The following GALNT13 variants were observed in gnomAD, a reference collection of about 807,000 sequenced individuals.
GALNT13 encodes polypeptide N-acetylgalactosaminyltransferase 13, also known as UDP-GalNAc:polypeptide N-acetylgalactosaminyltransferase 13.
GALNT13 carries 28 observed loss-of-function variants against 64.2 expected under a neutral mutation model. That is an observed-to-expected ratio of 0.44 (90% CI 0.32 to 0.60). GALNT13 has a LOEUF of 0.60. Among genes scored for constraint, GALNT13 ranks in the 20% least tolerant of loss-of-function variants. The pLI is 0.05. For missense variants in GALNT13, 577 were observed against 669.8 expected (o/e 0.86, Z 1.53); for synonymous variants, 214 against 224.6 (o/e 0.95, Z 0.42).
At chr2:154,380,243 C>T (rs1335115833) in intron 9 of GALNT13, among the ~76,000 whole-genome samples, 1 of 151,890 alleles carries the variant, frequency 6.6e-6, no homozygotes, top group African/African-American at 2.4e-5. Flanking sequence ...AGGAGTAAAG[C>T]AACTTATAAA....
chr2:154,242,726 C>G lies in GALNT13; in HGVS notation c.507C>G (p.Tyr169Ter). ...RDFLKLTLEN[Y>*]VKNLEVPVKI... ...TTCTCAAGTTGACATTAGAGAATTA[C>G]GTGAAAAATTTAGAAGTGCCAGTAA... The change falls in exon 6 of 13, where the codon TAC (tyrosine) becomes TAG (stop). Residue 169 changes from tyrosine (Y) to a stop codon, truncating the protein, a stop_gained. Transcript: ENST00000392825. LOFTEE classifies it high-confidence loss of function. 6.2e-7 allele frequency: 1 copy of G among 1,611,880 alleles called. No homozygotes were observed. The highest frequency in any genetic ancestry group is 8.5e-7 in the Non-Finnish European group (1 of 1,178,004).
chr2:153,149,164 G>A, the GALNT13 span, among the ~76,000 whole-genome samples: 1 of 151,766 alleles, frequency 6.6e-6, no homozygotes, highest in Admixed American at 6.6e-5. Context: ...ATTAAATTTG[G>A]TCCAGATAAT....
At chr2:153,786,436 T>G in the GALNT13 span, among the ~76,000 whole-genome samples, 3 of 152,072 alleles carry the variant, frequency 2.0e-5, no homozygotes, top group African/African-American at 7.2e-5. Flanking sequence ...TCACTTCTAG[T>G]GGCCCAGAGT....
At chr2:153,635,844 GT>G in the GALNT13 span, among the ~76,000 whole-genome samples, 7 of 151,070 alleles carry the variant, frequency 4.6e-5, no homozygotes, top group African/African-American at 1.5e-4. Flanking sequence ...CTAGTATCAT[GT>G]TTTTTTTTGT....
At chr2:153,408,937 A>G in the GALNT13 span, among the ~76,000 whole-genome samples, 1 of 152,154 alleles carries the variant, frequency 6.6e-6, no homozygotes, top group South Asian at 2.1e-4. Flanking sequence ...CAGTGCAGCT[A>G]GAAACAGCAG....
the GALNT13 span, among the ~76,000 whole-genome samples, chr2:153,252,051 C>T: frequency 1.3e-5 from 2 of 150,978 alleles, no homozygotes; most frequent in Non-Finnish European, 2.9e-5. Flanking sequence ...ACTACACTTA[C>T]TTCCACAATG....
chr2:153,418,839 T>C, the GALNT13 span, among the ~76,000 whole-genome samples: 3 of 152,026 alleles, frequency 2.0e-5, no homozygotes, highest in Non-Finnish European at 4.4e-5. Flanking sequence ...GCCTGGGCGA[T>C]AGAGCCAGAC....
At chr2:153,494,323 G>C in the GALNT13 span, among the ~76,000 whole-genome samples, 1 of 151,888 alleles carries the variant, frequency 6.6e-6, no homozygotes, top group Non-Finnish European at 1.5e-5. Context: ...AAATCAAAAT[G>C]ACCTAGAATA....
At chr2:153,147,391 T>A in the GALNT13 span, among the ~76,000 whole-genome samples, 1 of 151,834 alleles carries the variant, frequency 6.6e-6, no homozygotes, top group Non-Finnish European at 1.5e-5. Flanking sequence ...ACAGCAAAGT[T>A]AAGGATTCCT....
chr2:153,692,469 A>C, the GALNT13 span, among the ~76,000 whole-genome samples: 1 of 152,230 alleles, frequency 6.6e-6, no homozygotes, highest in Admixed American at 6.5e-5. Context: ...GAAGACAAAC[A>C]GGTCTTGGAA....
At position 154,243,515 on chromosome 2, in the gene GALNT13, T is replaced by C. The variant is rs1028905833; in HGVS notation, c.686+610T>C. On this transcript the variant is annotated intron_variant, in intron 6 of 12. Coordinates refer to ENST00000392825, the MANE Select transcript of GALNT13 (RefSeq NM_052917.4). The stretch of plus-strand genomic sequence containing the variant: ...ACATAAGAGCACAGCTATAAGAATA[T>C]GTTTAATTATTTCAACAATGTCACC... 2.0e-5 allele frequency among the ~76,000 whole-genome samples: 3 copies of C among 151,938 alleles called. 1 individual carries two copies. In the East Asian group the frequency reaches 5.8e-4, roughly 29 times the overall value.
At chr2:153,500,530 C>A in the GALNT13 span, among the ~76,000 whole-genome samples, 4 of 152,142 alleles carry the variant, frequency 2.6e-5, no homozygotes, top group Admixed American at 2.6e-4. Context: ...GATAATTGCC[C>A]AGAATTAGAA....
chr2:154,089,285 T>C (rs1558951271), intron 3 of GALNT13, among the ~76,000 whole-genome samples: 1 of 152,024 alleles, frequency 6.6e-6, no homozygotes, highest in African/African-American at 2.4e-5. Context: ...AGTGATACTT[T>C]GGCTTTACGG....
the GALNT13 span, among the ~76,000 whole-genome samples, chr2:153,400,472 G>T: frequency 1.3e-5 from 2 of 152,098 alleles, no homozygotes; most frequent in Non-Finnish European, 2.9e-5. Context: ...CTCTTTTTCT[G>T]TTGATTGGAA....
chr2:153,480,957 AGG>A, the GALNT13 span, among the ~76,000 whole-genome samples: 1 of 152,344 alleles, frequency 6.6e-6, no homozygotes. Flanking sequence ...ATTTATTGCT[AGG>A]AACAGTATTG....
rs778627810 is a variant in GALNT13, at chr2:154,409,027, G to T, written c.1340G>T (p.Arg447Leu). 9.3e-6 allele frequency: 15 copies of T among 1,611,380 alleles called. No homozygotes were observed. Among genetic ancestry groups the T allele is most frequent in the Non-Finnish European group, 1.3e-5 (15 of 1,178,144 alleles). The stretch of plus-strand genomic sequence containing the variant: ...AATCAGTGTTTAGACAACATGGGCC[G>T]CAAGGAAAATGAAAAAGTGGGTATA... ...ETNQCLDNMG[R>L]KENEKVGIFN... The change falls in exon 11 of 13, where the codon CGC becomes CTC. Residue 447 changes from arginine to leucine, a missense_variant. Physicochemically the swap from Arg to Leu is moderately radical, Grantham distance 102. Transcript: ENST00000392825.
At chr2:153,117,939 C>T in the GALNT13 span, among the ~76,000 whole-genome samples, 1 of 152,124 alleles carries the variant, frequency 6.6e-6, no homozygotes, top group Non-Finnish European at 1.5e-5. Flanking sequence ...CTAGAACTGT[C>T]ATTGTTCTTA....
rs1701914093 is a variant in GALNT13 at position 154,452,615 on chromosome 2, A to C, written c.*2064A>C. On this transcript the variant is annotated 3_prime_UTR_variant, in exon 13 of 13. Transcript: ENST00000392825. ...AAAGCTGAACTTGAAACGTTTTAGC[A>C]GAATTTTAAATATGTGAAAGTTCAT... 6.6e-6 allele frequency: 1 copy of C among 152,218 alleles called. No individual in the cohort carries two copies. Among genetic ancestry groups the C allele is most frequent in the Admixed American group, 6.5e-5 (1 of 15,272 alleles). 9.4% of individuals were successfully genotyped at this position (152,218 alleles called of 1,614,324 possible). A position where few individuals can be genotyped will look rare whatever the true frequency, so the allele number is the denominator to read the frequency against.
the GALNT13 span, among the ~76,000 whole-genome samples, chr2:153,109,587 G>C: frequency 6.6e-6 from 1 of 152,072 alleles, no homozygotes; most frequent in African/African-American, 2.4e-5. Flanking sequence ...TAAAGTAGCT[G>C]GAAATTTTCA....
Sources: allele counts gnomAD v4.1 joint callset (sites outside exome capture counted in the v4.1 genomes callset), GRCh38; gene constraint gnomAD v4.1.1; transcripts MANE v1.5; gene names NCBI Gene and HGNC (gene_info 2026-07-23, HGNC 2026-07-21).